The following CCDC7 variants were observed in gnomAD, a reference collection of about 807,000 sequenced individuals.
The protein encoded by CCDC7 is coiled-coil domain-containing protein 7.
Under a neutral mutation model 196.9 loss-of-function variants are expected in CCDC7, and 183 were observed. The ratio of observed to expected loss-of-function variants is 0.93; its 90% confidence interval spans 0.82 to 1.05. CCDC7 has a LOEUF of 1.05. Ranked by LOEUF, CCDC7 falls within the 50% of genes least tolerant of loss-of-function variation. The probability of loss-of-function intolerance (pLI) is 0.00; values close to 1 mark genes in which losing one functional copy is unlikely to be tolerated. For synonymous variants in CCDC7, 525 were observed against 484.6 expected (o/e 1.08, Z -1.10); for missense variants, 1,540 against 1,482.2 (o/e 1.04, Z -0.64).
intron 21 of CCDC7, among the ~76,000 whole-genome samples, chr10:32,683,677 G>A (rs1006219414): frequency 6.6e-6 from 1 of 152,140 alleles, no homozygotes; most frequent in Admixed American, 6.5e-5. Flanking sequence ...AATTCTCACT[G>A]TAGAGATCTT....
rs73261286 is a variant in CCDC7 at position 32,740,935 on chromosome 10, A to C, written c.2905+11478A>C. On this transcript the variant is annotated intron_variant, in intron 28 of 41. Coordinates refer to ENST00000639629, the Ensembl canonical transcript of CCDC7. ...AATGATGGCTTTCCATACAAAACTG[A>C]AGATAATATTAAATGTTTTAAATGT... Among the ~76,000 whole-genome samples the C allele has an allele frequency of 8.8e-3, 1,118 of 127,770 alleles. 14 individuals are homozygous for C. The highest frequency in any genetic ancestry group is 0.026 in the African/African-American group (1,078 of 40,872). 83.8% of individuals were successfully genotyped at this position (127,770 alleles called of 152,430 possible).
chr10:32,641,789 A>G (rs997594963), intron 20 of CCDC7, among the ~76,000 whole-genome samples: 3 of 151,904 alleles, frequency 2.0e-5, no homozygotes, highest in African/African-American at 7.3e-5. Context: ...GGTTTTATCT[A>G]CCTTTGGTCT....
At chr10:32,649,567 C>G (rs1266799440) in intron 20 of CCDC7, among the ~76,000 whole-genome samples, 3 of 152,164 alleles carry the variant, frequency 2.0e-5, no homozygotes, top group African/African-American at 4.8e-5. Context: ...GTTGACCTCT[C>G]TAGCAAGAGT....
intron 29 of CCDC7, among the ~76,000 whole-genome samples, chr10:32,798,512 G>T (rs188225871): frequency 6.6e-6 from 1 of 152,198 alleles, no homozygotes; most frequent in African/African-American, 2.4e-5. Context: ...GAGGTCACCC[G>T]TTGGTGAGCA....
chr10:32,629,401 A>G (rs2064513097), intron 18 of CCDC7, among the ~76,000 whole-genome samples: 1 of 151,822 alleles, frequency 6.6e-6, no homozygotes, highest in Non-Finnish European at 1.5e-5. Context: ...GGTCTAGGAG[A>G]CTCAGGAGTT....
At chr10:32,560,738 C>T (rs1436034127) in intron 13 of CCDC7, among the ~76,000 whole-genome samples, 4 of 151,790 alleles carry the variant, frequency 2.6e-5, no homozygotes, top group Admixed American at 6.6e-5. Flanking sequence ...TAAAGACCAT[C>T]GATGCTAGGA....
chr10:32,562,372 C>T (rs1173601991), intron 13 of CCDC7, among the ~76,000 whole-genome samples: 1 of 152,206 alleles, frequency 6.6e-6, no homozygotes, highest in Non-Finnish European at 1.5e-5. Context: ...AGACCAATGT[C>T]CTTGATGAAC....
chr10:32,717,203 A>G (rs887867401), intron 25 of CCDC7, among the ~76,000 whole-genome samples: 5 of 152,236 alleles, frequency 3.3e-5, no homozygotes, highest in African/African-American at 1.2e-4. Flanking sequence ...AGTGCAATCA[A>G]AGTAAAACTC....
chr10:32,784,373 G>A (rs886780313), intron 29 of CCDC7, among the ~76,000 whole-genome samples: 1 of 151,910 alleles, frequency 6.6e-6, no homozygotes, highest in Non-Finnish European at 1.5e-5. Context: ...ATGCTGTACC[G>A]CACACCCCAC....
chr10:32,698,661 GT>G (rs1018403361), intron 24 of CCDC7, among the ~76,000 whole-genome samples: 68 of 152,194 alleles, frequency 4.5e-4, no homozygotes, highest in African/African-American at 1.6e-3. Flanking sequence ...AGAAAAAAGA[GT>G]AAAAAGAAAT....
intron 18 of CCDC7, 46 bp downstream of exon 19, chr10:32,584,350 ATG>A: frequency 8.4e-7 from 1 of 1,186,074 alleles, no homozygotes. Context: ...TTGAATGATT[ATG>A]TGTTTCCATG....
chr10:32,845,520 T>A, intron 34 of CCDC7, 23 bp from the exon 36 acceptor site: 2 of 1,557,220 alleles, frequency 1.3e-6, no homozygotes, highest in East Asian at 4.5e-5. Context: ...CAAAATATAC[T>A]GAAATCTGTT....
At chr10:32,658,438 T>C (rs564095450) in intron 20 of CCDC7, among the ~76,000 whole-genome samples, 3 of 118,422 alleles carry the variant, frequency 2.5e-5, no homozygotes, top group Non-Finnish European at 5.1e-5. Flanking sequence ...GAAAAACCTC[T>C]TATAAAACCA....
chr10:32,770,232 A>G (rs2078968592), intron 28 of CCDC7, among the ~76,000 whole-genome samples: 2 of 152,060 alleles, frequency 1.3e-5, no homozygotes, highest in African/African-American at 4.8e-5. Flanking sequence ...TGATATTTAT[A>G]TTTATTTGAT....
intron 9 of CCDC7, among the ~76,000 whole-genome samples, chr10:32,515,908 A>G (rs2046956073): frequency 6.6e-6 from 1 of 152,188 alleles, no homozygotes; most frequent in Admixed American, 6.5e-5. Flanking sequence ...AGCTAAAACT[A>G]TAGGCATTTT....
At chr10:32,702,403 T>C (rs992928042) in intron 24 of CCDC7, among the ~76,000 whole-genome samples, 1 of 152,126 alleles carries the variant, frequency 6.6e-6, no homozygotes, top group Admixed American at 6.6e-5. Flanking sequence ...TATAATTTCT[T>C]TGCTTTTACA....
intron 39 of CCDC7, among the ~76,000 whole-genome samples, chr10:32,849,919 G>C (rs76186530): frequency 6.6e-6 from 1 of 152,036 alleles, no homozygotes; most frequent in South Asian, 2.1e-4. Context: ...GATTCTGCAG[G>C]GGGGAACTTG....
chr10:32,845,417 C>G lies in CCDC7; in HGVS notation c.3436+91C>G, dbSNP rs1034891968. 64 of 1,205,752 alleles carry G rather than the reference C, an allele frequency of 5.3e-5. No homozygotes were observed. The Middle Eastern group carries it at 7.9e-4, about 15-fold the overall frequency. The allele number at this position is 1,205,752 out of a possible 1,614,324, so 74.7% of individuals were successfully genotyped here. ...TATAGACCTTTAATAACAAAACTAC[C>G]TATATTATAGTGTTACATAAGTAAA... On this transcript the variant is annotated intron_variant, in intron 34 of 41. Transcript: ENST00000639629.
chr10:32,476,940 A>C (rs1362712572), intron 8 of CCDC7, among the ~76,000 whole-genome samples: 1 of 152,102 alleles, frequency 6.6e-6, no homozygotes, highest in African/African-American at 2.4e-5. Flanking sequence ...AGTTCTTTTT[A>C]TATTTTGGAT....
Sources: allele counts gnomAD v4.1 joint callset (sites outside exome capture counted in the v4.1 genomes callset), GRCh38; gene constraint gnomAD v4.1.1; transcripts MANE v1.5; gene names NCBI Gene and HGNC (gene_info 2026-07-23, HGNC 2026-07-21).